NRBP1: variants seen among roughly 807,000 people sequenced by gnomAD.
The protein encoded by NRBP1 is nuclear receptor-binding protein.
In NRBP1, 10 loss-of-function variants were observed where a neutral mutation model predicts 76.0. The ratio of observed to expected loss-of-function variants is 0.13; its 90% confidence interval spans 0.08 to 0.22. The LOEUF is 0.22. Ranked by LOEUF, NRBP1 falls within the 10% of genes least tolerant of loss-of-function variation. The pLI is 1.00. For synonymous variants in NRBP1, 235 were observed against 240.2 expected (o/e 0.98, Z 0.20); for missense variants, 344 against 646.0 (o/e 0.53, Z 5.07).
chr2:27,436,606 A>G, intron 7 of NRBP1, 147 bp from the exon 8 acceptor site: 2 of 660,416 alleles, frequency 3.0e-6, no homozygotes, highest in Non-Finnish European at 5.5e-6. Context: ...TCTGTAGTTC[A>G]GGACAGGAAA....
chr2:27,434,591 CT>C (rs1664235740), intron 5 of NRBP1, 31 bp downstream of exon 5: 2 of 1,604,586 alleles, frequency 1.2e-6, no homozygotes, highest in East Asian at 4.5e-5. Flanking sequence ...AAGTTTGAGG[CT>C]GGTTTTTGGG....
intron 7 of NRBP1, 170 bp from the exon 8 acceptor site, chr2:27,436,583 C>A: frequency 1.7e-6 from 1 of 598,924 alleles, no homozygotes; most frequent in East Asian, 2.8e-5. Flanking sequence ...AGGTAGGTGG[C>A]ATCCATGTGT....
At chr2:27,441,522 C>T in intron 16 of NRBP1, 45 bp from the exon 17 acceptor site, 1 of 1,603,334 alleles carries the variant, frequency 6.2e-7, no homozygotes, top group African/African-American at 1.3e-5. Context: ...GGCCCCAGGT[C>T]CCTCAGTCCC....
At chr2:27,434,286 T>G (rs1364578357) in intron 4 of NRBP1, among the ~76,000 whole-genome samples, 185 bp from the exon 5 acceptor site, 2 of 152,202 alleles carry the variant, frequency 1.3e-5, no homozygotes, top group African/African-American at 4.8e-5. Context: ...AGAAAATGAG[T>G]GAACTTTTGC....
chr2:27,433,894 G>A, intron 3 of NRBP1, 95 bp from the exon 4 acceptor site: 1 of 1,602,506 alleles, frequency 6.2e-7, no homozygotes, highest in Non-Finnish European at 8.5e-7. Context: ...AGTATGTTGG[G>A]GTTAGATCGT....
At chr2:27,435,825 C>T in intron 7 of NRBP1, 1 of 717,048 alleles carries the variant, frequency 1.4e-6, no homozygotes, top group Non-Finnish European at 2.6e-6. Flanking sequence ...TGCATGCAGT[C>T]GTGGGAGCAA....
At position 27,433,259 on chromosome 2, in the gene NRBP1, A is replaced by C. The variant is rs1572687472; in HGVS notation, c.-15A>C. 6.2e-7 allele frequency: 1 copy of C among 1,609,772 alleles called. No individual in the cohort carries two copies. Among genetic ancestry groups the C allele is most frequent in the Non-Finnish European group, 8.5e-7 (1 of 1,176,904 alleles). On this transcript the variant is annotated 5_prime_UTR_variant, in exon 2 of 18. Transcript: ENST00000379852. ...ATTTGCCCCAACCAGTGCAGGCCTG[A>C]GTGTTCCTTCCAGCATGTCGGAGGG...
In NRBP1 at chr2:27,436,792, G is replaced by A. The variant is rs776856765; in HGVS notation, c.701G>A (p.Arg234Gln). The A allele has an allele frequency of 5.0e-6, 8 of 1,613,682 alleles. No individual in the cohort carries two copies. The highest frequency in any genetic ancestry group is 4.4e-5 in the South Asian group (4 of 91,040). ...ATCAACAATCATGTGAAGACTTGTC[G>A]AGAAGAGCAGAAGAATCTACACTTC... is the stretch of plus-strand genomic sequence containing the variant. Reference protein sequence around the residue: ...DTINNHVKTCREEQKNLHFFA... With the variant: ...DTINNHVKTCQEEQKNLHFFA... The change falls in exon 8 of 18, where the codon CGA becomes CAA. Residue 234 changes from arginine (R) to glutamine (Q), a missense_variant. Arg to Gln is a conservative substitution (Grantham distance 43, BLOSUM62 1). Around this residue, in one of 3 missense-constraint regions of NRBP1, gnomAD observed 73 missense variants for 287.8 expected, o/e 0.25. Transcript: ENST00000379852.
intron 11 of NRBP1, 34 bp from the exon 12 acceptor site, chr2:27,440,369 C>G (rs1334109653): frequency 1.4e-6 from 2 of 1,381,060 alleles, no homozygotes; most frequent in Non-Finnish European, 2.1e-6. Flanking sequence ...TCTGACTATC[C>G]CTTCATAATA....
rs1281509924 is a variant in NRBP1 at position 27,433,974 on chromosome 2, C to G, written c.334-15C>G. The G allele has an allele frequency of 1.2e-6, 2 of 1,609,790 alleles. No homozygotes were observed. The highest frequency in any genetic ancestry group is 1.3e-5 in the African/African-American group (1 of 74,816). On this transcript the variant is annotated splice_polypyrimidine_tract_variant and intron_variant, in intron 3 of 17. Transcript: ENST00000379852. Reference sequence around the variant, plus strand: ...ATTTGTGACTCTGTTATTCCACTGTCTCCCTTGCTTTCAGGAAAAGGTTCG... The same window carrying G: ...ATTTGTGACTCTGTTATTCCACTGTGTCCCTTGCTTTCAGGAAAAGGTTCG...
intron 7 of NRBP1, chr2:27,435,773 G>A (rs1339993753): frequency 1.4e-6 from 1 of 717,572 alleles, no homozygotes; most frequent in Admixed American, 2.0e-5. Flanking sequence ...CCCCACTTGG[G>A]GCTCTGTTTG....
Position 27,439,807 on chromosome 2 carries a change from A to G in NRBP1, c.945A>G (p.Arg315=). Residue 315 remains arginine, a synonymous_variant, in exon 11 of 18, where the codon AGA becomes AGG. Transcript: ENST00000379852. The part of the protein sequence containing the change: ...QKCLQSEPAR[R]PTARELLFHP... ...GCCTGCAGTCTGAGCCTGCTCGCAG[A>G]CCAACAGCCAGAGAACTTCTGTTCC... The G allele has an allele frequency of 6.2e-7, 1 of 1,614,112 alleles. No individual in the cohort carries two copies. The highest frequency in any genetic ancestry group is 2.2e-5 in the East Asian group (1 of 44,880).
intron 16 of NRBP1, 31 bp downstream of exon 16, chr2:27,441,361 G>A: frequency 6.2e-7 from 1 of 1,600,640 alleles, no homozygotes; most frequent in Non-Finnish European, 8.6e-7. Context: ...AGAGGATGGA[G>A]AGTCTATGAG....
chr2:27,428,519 A>T (rs1297732987), upstream of NRBP1: 8 of 395,196 alleles, frequency 2.0e-5, no homozygotes, highest in Non-Finnish European at 3.6e-5. Flanking sequence ...ACCCCAGCGA[A>T]CGCCCGAGGG....
At chr2:27,434,834 A>ATTCTGTT in intron 6 of NRBP1, 72 bp downstream of exon 6, 1 of 1,438,682 alleles carries the variant, frequency 7.0e-7, no homozygotes, top group Non-Finnish European at 9.8e-7. Flanking sequence ...TCAGGGCACT[A>ATTCTGTT]CTCTTCTGTT....
chr2:27,440,835 G>A lies in NRBP1; in HGVS notation c.1224G>A (p.Gly408=). 6.2e-7 allele frequency: 1 copy of A among 1,613,968 alleles called. No individual in the cohort carries two copies. Among genetic ancestry groups the A allele is most frequent in the Non-Finnish European group, 8.5e-7 (1 of 1,180,028 alleles). The change falls in exon 14 of 18, where the codon GGG becomes GGA. Residue 408 remains glycine, a synonymous_variant. Coordinates refer to ENST00000379852, the MANE Select transcript of NRBP1 (RefSeq NM_013392.4). ...GGATCTATCCTCTGACAGCCTTTGG[G>A]CTGCCTCGGCCCCAGCAGCCACAGC... The part of the protein sequence containing the change: ...RNGIYPLTAF[G]LPRPQQPQQE...
rs1664572751 is a variant in NRBP1 at position 27,441,695 on chromosome 2, T to TC, written c.1504-12dup. On this transcript the variant is annotated splice_polypyrimidine_tract_variant and intron_variant, in intron 17 of 17. Coordinates refer to ENST00000379852, the MANE Select transcript of NRBP1 (RefSeq NM_013392.4). Reference sequence around the variant, plus strand: ...TCTCTCAGCCCCCATCTTACTGAGCTCTTCTCCCCCAGGCTGACCAGAGCC... The same window carrying TC: ...TCTCTCAGCCCCCATCTTACTGAGCTCCTTCTCCCCCAGGCTGACCAGAGCC... 1 of 1,612,660 alleles carries TC rather than the reference T, an allele frequency of 6.2e-7. No homozygotes were observed. Among genetic ancestry groups the TC allele is most frequent in the Non-Finnish European group, 8.5e-7 (1 of 1,178,732 alleles).
Position 27,441,782 on chromosome 2 carries a change from C to G in NRBP1, c.1578C>G (p.Leu526=), listed in dbSNP as rs1424626137. The part of the protein sequence containing the change: ...NKFNFARNST[L]NSAAVTVSS Reference sequence around the variant, plus strand: ...TCAATTTTGCCAGGAACAGTACCCTCAACTCAGCCGCTGTCACCGTCTCCT... The same window carrying G: ...TCAATTTTGCCAGGAACAGTACCCTGAACTCAGCCGCTGTCACCGTCTCCT... Residue 526 remains leucine, a synonymous_variant, in exon 18 of 18, where the codon CTC becomes CTG. Transcript: ENST00000379852. The G allele has an allele frequency of 6.2e-7, 1 of 1,613,486 alleles. No individual in the cohort carries two copies. Among genetic ancestry groups the G allele is most frequent in the East Asian group, 2.2e-5 (1 of 44,882 alleles).
Position 27,441,716 on chromosome 2 carries a change from G to C in NRBP1, c.1512G>C (p.Gln504His), listed in dbSNP as rs757484710. ...GAGCTCTTCTCCCCCAGGCTGACCA[G>C]AGCCGGTTGACTTCTCTGCTAGAAG... ...VQLGFISEAD[Q>H]SRLTSLLEET... is the part of the protein sequence containing the mutation. The change falls in exon 18 of 18, where the codon CAG becomes CAC. Residue 504 changes from glutamine (Q) to histidine (H), a missense_variant. By Grantham distance (24) the Gln-to-His change is conservative (BLOSUM62 0). Coordinates refer to ENST00000379852, the MANE Select transcript of NRBP1 (RefSeq NM_013392.4). 1 of 1,613,914 alleles carries C rather than the reference G, an allele frequency of 6.2e-7. No homozygotes were observed. Among genetic ancestry groups the C allele is most frequent in the South Asian group, 1.1e-5 (1 of 91,068 alleles).
Sources: gnomAD v4.1 joint callset for allele counts (sites outside exome capture counted in the v4.1 genomes callset) on GRCh38, gnomAD v4.1.1 for gene constraint, gnomAD v4.1.1 regional missense constraint, MANE v1.5 for transcripts, NCBI Gene and HGNC (gene_info 2026-07-23, HGNC 2026-07-21) for gene names.